TTC6: variants seen among roughly 807,000 people sequenced by gnomAD.
The protein encoded by TTC6 is tetratricopeptide repeat protein 6.
Under a neutral mutation model 210.4 loss-of-function variants are expected in TTC6, and 172 were observed. That is an observed-to-expected ratio of 0.82 (90% CI 0.72 to 0.93). The LOEUF is 0.93. Among genes scored for constraint, TTC6 ranks in the 40% least tolerant of loss-of-function variants. The probability of loss-of-function intolerance (pLI) is 0.00; values close to 1 mark genes in which losing one functional copy is unlikely to be tolerated. For synonymous variants in TTC6, 804 were observed against 819.6 expected (o/e 0.98, Z 0.32); for missense variants, 2,414 against 2,318.1 (o/e 1.04, Z -0.85).
chr14:37,597,566 GA>G (rs1031006428), intron 1 of TTC6, among the ~76,000 whole-genome samples: 3 of 150,816 alleles, frequency 2.0e-5, no homozygotes, highest in South Asian at 2.1e-4. Context: ...ATTGACTTAA[GA>G]AAAAAAAATC....
intron 10 of TTC6, among the ~76,000 whole-genome samples, chr14:37,742,060 T>C (rs899319471): frequency 1.3e-5 from 2 of 152,128 alleles, no homozygotes; most frequent in African/African-American, 4.8e-5. Context: ...TTACCTCCTA[T>C]GTGGGCTTTT....
chr14:37,645,633 G>A (rs2095700253), intron 1 of TTC6, among the ~76,000 whole-genome samples: 1 of 152,184 alleles, frequency 6.6e-6, no homozygotes, highest in South Asian at 2.1e-4. Flanking sequence ...AAGGGAACAA[G>A]CCATCCAATT....
At chr14:37,771,537 G>C (rs951516985) in intron 14 of TTC6, among the ~76,000 whole-genome samples, 2 of 151,774 alleles carry the variant, frequency 1.3e-5, no homozygotes, top group Non-Finnish European at 2.9e-5. Context: ...TTCCCTTCTC[G>C]CTTCATTTCA....
At chr14:37,828,921 G>A (rs556079626) in intron 29 of TTC6, among the ~76,000 whole-genome samples, 1 of 151,918 alleles carries the variant, frequency 6.6e-6, no homozygotes, top group East Asian at 1.9e-4. Context: ...TGCATCTCTT[G>A]TAATGCCTGC....
chr14:37,815,665 G>A, intron 25 of TTC6, among the ~76,000 whole-genome samples: 1 of 152,164 alleles, frequency 6.6e-6, no homozygotes, highest in East Asian at 1.9e-4. Flanking sequence ...GGGGAGGCAT[G>A]TGAAGTGGTA....
chr14:37,731,104 G>A (rs574772406), intron 7 of TTC6, among the ~76,000 whole-genome samples: 18 of 152,330 alleles, frequency 1.2e-4, no homozygotes, highest in African/African-American at 4.1e-4. Flanking sequence ...ATATTGAACT[G>A]TTGCTCTTAG....
chr14:37,723,392 TATAA>T (rs2095865571), intron 6 of TTC6, among the ~76,000 whole-genome samples: 1 of 152,224 alleles, frequency 6.6e-6, no homozygotes, highest in Non-Finnish European at 1.5e-5. Flanking sequence ...CACAAACTTG[TATAA>T]ATAAATACAT....
chr14:37,842,059 T>G (rs1031381670), intron 30 of TTC6, 96 bp from the exon 33 acceptor site: 10 of 1,182,920 alleles, frequency 8.5e-6, no homozygotes, highest in Non-Finnish European at 2.3e-6. Flanking sequence ...ATTGAGTTAA[T>G]TTTTTTAAAA....
At chr14:37,702,571 A>C (rs1256826430) in intron 5 of TTC6, among the ~76,000 whole-genome samples, 1 of 152,188 alleles carries the variant, frequency 6.6e-6, no homozygotes, top group East Asian at 1.9e-4. Context: ...AAATACTGAA[A>C]AATGTACTGC....
At chr14:37,776,043 CTTTTTTTTT>C (rs1163694975) in intron 14 of TTC6, among the ~76,000 whole-genome samples, 1 of 26,270 alleles carries the variant, frequency 3.8e-5, no homozygotes, top group African/African-American at 1.1e-4. Flanking sequence ...GGTCTTGATT[CTTTTTTTTT>C]TTTTTTTTTT....
chr14:37,731,462 A>G (rs770919536), intron 7 of TTC6, among the ~76,000 whole-genome samples: 10 of 152,332 alleles, frequency 6.6e-5, no homozygotes, highest in Non-Finnish European at 1.3e-4. Flanking sequence ...ACTTCTTTAC[A>G]GTACGACAGT....
chr14:37,837,513 GA>G, intron 29 of TTC6: 3 of 426,154 alleles, frequency 7.0e-6, no homozygotes, highest in Middle Eastern at 3.5e-4. Flanking sequence ...TAATTAAGAG[GA>G]AGCAAAGTTC....
chr14:37,841,679 T>C lies in TTC6; in HGVS notation c.5524+9T>C. The stretch of plus-strand genomic sequence containing the variant: ...GGAAGACCTTAATAAAGGTACACTT[T>C]TGGTAATTATTCTGGTAAGATTACA... On this transcript the variant is annotated intron_variant, in intron 30 of 30. Coordinates refer to ENST00000553443, the Ensembl canonical transcript of TTC6. 1 of 1,586,580 alleles carries C rather than the reference T, an allele frequency of 6.3e-7. No homozygotes were observed. The highest frequency in any genetic ancestry group is 8.6e-7 in the Non-Finnish European group (1 of 1,164,978).
At position 37,825,698 on chromosome 14, in the gene TTC6, A is replaced by G. The variant is rs371299942; in HGVS notation, c.4975-497A>G. ...ATGGAATACGTATAGTGATACTAAA[A>G]CTCCAGATGCTGGCGTGATTTATCA... On this transcript the variant is annotated intron_variant, in intron 27 of 30. Transcript: ENST00000553443. 4.6e-5 allele frequency among the ~76,000 whole-genome samples: 7 copies of G among 152,056 alleles called. No homozygotes were observed. In the South Asian group the frequency reaches 1.5e-3, roughly 32 times the overall value.
chr14:37,652,575 A>G (rs893696565), intron 1 of TTC6, among the ~76,000 whole-genome samples: 1 of 152,214 alleles, frequency 6.6e-6, no homozygotes, highest in Non-Finnish European at 1.5e-5. Context: ...ATCATATAGT[A>G]TGACTAGGCT....
intron 1 of TTC6, among the ~76,000 whole-genome samples, chr14:37,660,691 C>T (rs1329220842): frequency 6.6e-6 from 1 of 152,122 alleles, no homozygotes. Flanking sequence ...ATTTATATTG[C>T]TTTGGGTATA....
At chr14:37,789,824 A>G (rs911085768) in intron 15 of TTC6, among the ~76,000 whole-genome samples, 13 of 152,098 alleles carry the variant, frequency 8.5e-5, no homozygotes, top group Non-Finnish European at 1.5e-4. Flanking sequence ...ATCATTGCTG[A>G]CACTGGCTAT....
intron 29 of TTC6, among the ~76,000 whole-genome samples, chr14:37,841,028 C>T (rs1039877486): frequency 6.6e-6 from 1 of 152,036 alleles, no homozygotes; most frequent in South Asian, 2.1e-4. Flanking sequence ...GCCACCATGC[C>T]CAGCTAATTT....
intron 4 of TTC6, among the ~76,000 whole-genome samples, chr14:37,697,856 TA>T (rs993840322): frequency 2.0e-5 from 3 of 152,108 alleles, no homozygotes; most frequent in East Asian, 3.8e-4. Context: ...TTTTTTTTTC[TA>T]AAAAACCTTG....
Sources: gnomAD v4.1 joint callset for allele counts (sites outside exome capture counted in the v4.1 genomes callset) on GRCh38, gnomAD v4.1.1 for gene constraint, MANE v1.5 for transcripts, NCBI Gene and HGNC (gene_info 2026-07-23, HGNC 2026-07-21) for gene names.